The following NUP133 variants were observed in gnomAD, a reference collection of about 807,000 sequenced individuals.
NUP133 encodes nucleoporin 133, also known as nuclear pore complex protein Nup133.
Under a neutral mutation model 146.2 loss-of-function variants are expected in NUP133, and 66 were observed. That is an observed-to-expected ratio of 0.45 (90% CI 0.37 to 0.55). The LOEUF (loss-of-function observed/expected upper bound fraction) is 0.55, where lower values mean the gene tolerates loss of function less well. NUP133 is among the 20% of genes least tolerant of loss of function. NUP133 has a pLI of 0.00. For synonymous variants in NUP133, 521 were observed against 498.8 expected (o/e 1.04, Z -0.59); for missense variants, 1,277 against 1,374.8 (o/e 0.93, Z 1.12).
intron 17 of NUP133, 111 bp downstream of exon 17, chr1:229,465,309 G>A: frequency 3.8e-6 from 3 of 796,786 alleles, no homozygotes; most frequent in Non-Finnish European, 6.2e-6. Context: ...TTTGGAGACG[G>A]CACTTTTTCA....
chr1:229,448,655 G>C (rs925990399), intron 24 of NUP133: 2 of 170,542 alleles, frequency 1.2e-5, no homozygotes, highest in Non-Finnish European at 2.5e-5. Flanking sequence ...ACTTTACTCT[G>C]TGGACTTGCC....
At chr1:229,476,081 C>A (rs1159067297) in intron 13 of NUP133, among the ~76,000 whole-genome samples, 1 of 151,200 alleles carries the variant, frequency 6.6e-6, no homozygotes, top group Non-Finnish European at 1.5e-5. Context: ...TGCATTCCAG[C>A]CTGGCGACAG....
Position 229,483,634 on chromosome 1 carries a change from GGCGGAGTTTGCA to G in NUP133, c.1592+408_1592+419del, listed in dbSNP as rs530034831. 7.5e-4 allele frequency among the ~76,000 whole-genome samples: 114 copies of G among 150,996 alleles called. 2 individuals are homozygous for G. Among genetic ancestry groups the G allele is most frequent in the African/African-American group, 2.7e-3 (110 of 40,956 alleles). ...GCAGGAGAATCGCTTGAACCCGGGA[GGCGGAGTTTGCA>G]GTGAGCCAAGATCGCGCCACTGCAC... On this transcript the variant is annotated intron_variant, in intron 12 of 25. Transcript: ENST00000261396.
chr1:229,443,005 C>T (rs1660218635), intron 25 of NUP133, among the ~76,000 whole-genome samples: 1 of 151,968 alleles, frequency 6.6e-6, no homozygotes, highest in Non-Finnish European at 1.5e-5. Flanking sequence ...CTGTGCCCAG[C>T]CTATTTTTTG....
chr1:229,441,510 A>G lies in NUP133; in HGVS notation c.*394T>C, dbSNP rs558968545. ...AACACCCTAGATTCTCTTCAGTGCA[A>G]AGTATCTGGAGTCACAGCAATTTTA... On this transcript the variant is annotated 3_prime_UTR_variant, in exon 26 of 26. Coordinates refer to ENST00000261396, the MANE Select transcript of NUP133 (RefSeq NM_018230.3). The G allele has an allele frequency of 7.7e-6, 4 of 519,434 alleles. No individual in the cohort carries two copies. The highest frequency in any genetic ancestry group is 3.9e-5 in the African/African-American group (2 of 51,862). 32.2% of individuals were successfully genotyped at this position (519,434 alleles called of 1,614,324 possible).
At chr1:229,503,360 A>G (rs549849183) in intron 2 of NUP133, among the ~76,000 whole-genome samples, 382 of 152,326 alleles carry the variant, frequency 2.5e-3, no homozygotes, top group African/African-American at 8.9e-3. Context: ...CTCATTAACT[A>G]TATAAAACAT....
intron 2 of NUP133, among the ~76,000 whole-genome samples, chr1:229,505,463 G>A (rs1661908987): frequency 6.6e-6 from 1 of 151,020 alleles, no homozygotes; most frequent in Admixed American, 6.6e-5. Flanking sequence ...AAGATAATGG[G>A]GGACTACTGT....
chr1:229,484,365 A>G (rs1209914329), intron 11 of NUP133, among the ~76,000 whole-genome samples: 1 of 152,054 alleles, frequency 6.6e-6, no homozygotes. Context: ...ATGATAGCTG[A>G]TGAGTTAAAA....
intron 12 of NUP133, among the ~76,000 whole-genome samples, chr1:229,480,374 C>T (rs761391502): frequency 3.3e-5 from 5 of 152,090 alleles, no homozygotes; most frequent in South Asian, 2.1e-4. Context: ...GACCCAGTCA[C>T]GCTACAGGTT....
rs924935618 is a variant in NUP133 at position 229,442,138 on chromosome 1, A to C, written c.3335-98T>G. The C allele has an allele frequency of 6.0e-5, 70 of 1,169,266 alleles. No homozygotes were observed. In the Admixed American group the frequency reaches 6.6e-4, roughly 11 times the overall value. The allele number at this position is 1,169,266 out of a possible 1,614,324, so 72.4% of individuals were successfully genotyped here. A position where few individuals can be genotyped will look rare whatever the true frequency, so the allele number is the denominator to read the frequency against. The stretch of plus-strand genomic sequence containing the variant: ...CAAAAGCACCTGTGCTTCTATTTAA[A>C]TATAACGTCACTTTGCTGTTGGGAA... On this transcript the variant is annotated intron_variant, in intron 25 of 25. Transcript: ENST00000261396.
intron 14 of NUP133, 117 bp from the exon 15 acceptor site, chr1:229,470,921 C>T: frequency 1.3e-6 from 1 of 774,484 alleles, no homozygotes; most frequent in Non-Finnish European, 2.1e-6. Context: ...TTTCCCCCAG[C>T]AAGTCCCTCC....
chr1:229,449,744 T>G (rs1660399081), intron 23 of NUP133, among the ~76,000 whole-genome samples: 1 of 151,060 alleles, frequency 6.6e-6, no homozygotes, highest in South Asian at 2.1e-4. Context: ...ACCAAATTAC[T>G]TTCAATTGCA....
intron 22 of NUP133, 154 bp from the exon 23 acceptor site, chr1:229,450,759 T>A: frequency 2.5e-6 from 1 of 407,916 alleles, no homozygotes. Flanking sequence ...AAAGTCTTGC[T>A]CTGTCACCCA....
At chr1:229,480,741 C>T (rs572608655) in intron 12 of NUP133, among the ~76,000 whole-genome samples, 9 of 152,112 alleles carry the variant, frequency 5.9e-5, no homozygotes, top group African/African-American at 2.2e-4. Flanking sequence ...CGCTGGAGTG[C>T]GGTGACGGGA....
intron 1 of NUP133, 93 bp from the exon 2 acceptor site, chr1:229,506,251 T>C: frequency 1.6e-6 from 1 of 615,894 alleles, no homozygotes; most frequent in Non-Finnish European, 2.9e-6. Flanking sequence ...AAGGAGTTCT[T>C]TGAAAAAAAT....
intron 6 of NUP133, among the ~76,000 whole-genome samples, chr1:229,496,762 AT>A (rs904372133): frequency 2.0e-5 from 3 of 152,216 alleles, no homozygotes; most frequent in Admixed American, 6.5e-5. Flanking sequence ...AGGGAGGCTC[AT>A]TTGAGCTCAG....
chr1:229,449,803 G>A (rs1204630154), intron 23 of NUP133, among the ~76,000 whole-genome samples: 1 of 144,166 alleles, frequency 6.9e-6, no homozygotes. Flanking sequence ...ACTATAACCT[G>A]TTGAAACACA....
intron 3 of NUP133, 86 bp downstream of exon 3, chr1:229,501,913 C>T: frequency 1.0e-6 from 1 of 955,878 alleles, no homozygotes; most frequent in South Asian, 1.4e-5. Context: ...GACTATCCTC[C>T]AACTGTAAAA....
chr1:229,470,940 CTTGTT>C lies in NUP133; in HGVS notation c.1852-141_1852-137del, dbSNP rs1660941961. The C allele has an allele frequency of 1.5e-5, 10 of 676,238 alleles. No homozygotes were observed. In the South Asian group the frequency reaches 1.8e-4, roughly 12 times the overall value. The allele number at this position is 676,238 out of a possible 1,614,324, so 41.9% of individuals were successfully genotyped here. Reference sequence around the variant, plus strand: ...CCCCAGCAAGTCCCTCCAGCTGTCTCTTGTTTTAACTGTTTCTAACACACAGACAC... The same window carrying C: ...CCCCAGCAAGTCCCTCCAGCTGTCTCTTAACTGTTTCTAACACACAGACAC... On this transcript the variant is annotated intron_variant, in intron 14 of 25. Coordinates refer to ENST00000261396, the MANE Select transcript of NUP133 (RefSeq NM_018230.3).
Sources: allele counts gnomAD v4.1 joint callset (sites outside exome capture counted in the v4.1 genomes callset), GRCh38; gene constraint gnomAD v4.1.1; transcripts MANE v1.5; gene names NCBI Gene and HGNC (gene_info 2026-07-23, HGNC 2026-07-21).